SCOC: variants seen among roughly 807,000 people sequenced by gnomAD.
SCOC encodes short coiled coil protein.
A neutral mutation model predicts 9.9 loss-of-function variants in SCOC; 7 were observed. That is an observed-to-expected ratio of 0.71 (90% CI 0.40 to 1.33). The LOEUF (loss-of-function observed/expected upper bound fraction) is 1.33, where lower values mean the gene tolerates loss of function less well. SCOC is among the 40% of genes most tolerant of loss of function. SCOC has a pLI of 0.01. For synonymous variants in SCOC, 19 were observed against 28.2 expected (o/e 0.67, Z 1.03); for missense variants, 66 against 89.7 (o/e 0.74, Z 1.07).
chr4:140,321,033 C>T (rs552344079), intron 1 of SCOC, among the ~76,000 whole-genome samples: 48 of 152,170 alleles, frequency 3.2e-4, no homozygotes, highest in South Asian at 8.3e-4. Flanking sequence ...AGACTCTCTC[C>T]GGAGGATAGT....
chr4:140,323,674 A>T (rs1732564626), intron 1 of SCOC, among the ~76,000 whole-genome samples: 1 of 152,138 alleles, frequency 6.6e-6, no homozygotes. Flanking sequence ...AACTACCACA[A>T]CTCACTTAAG....
intron 2 of SCOC, among the ~76,000 whole-genome samples, chr4:140,368,402 T>C (rs1410338230): frequency 6.6e-6 from 1 of 152,220 alleles, no homozygotes; most frequent in Non-Finnish European, 1.5e-5. Context: ...AAACATGTAA[T>C]TATTTTTAAA....
At chr4:140,283,114 C>T (rs981156007) in intron 1 of SCOC, among the ~76,000 whole-genome samples, 8 of 152,186 alleles carry the variant, frequency 5.3e-5, no homozygotes, top group Middle Eastern at 3.2e-3. Context: ...TCTCTGTAAG[C>T]ATGTCCATCT....
At chr4:140,353,995 G>A (rs1446681991) in intron 2 of SCOC, among the ~76,000 whole-genome samples, 1 of 152,350 alleles carries the variant, frequency 6.6e-6, no homozygotes, top group East Asian at 1.9e-4. Context: ...TTCATTGCTC[G>A]TAGTGTGACG....
chr4:140,341,217 T>C (rs1726501321), upstream of SCOC, among the ~76,000 whole-genome samples: 1 of 152,202 alleles, frequency 6.6e-6, no homozygotes, highest in South Asian at 2.1e-4. Context: ...AAGTTGGTTG[T>C]AAATAATAAA....
chr4:140,310,135 T>A (rs1732107642), intron 1 of SCOC, among the ~76,000 whole-genome samples: 2 of 152,216 alleles, frequency 1.3e-5, no homozygotes, highest in South Asian at 4.1e-4. Context: ...TATTGTAAAT[T>A]CTTATGCTTT....
intron 1 of SCOC, among the ~76,000 whole-genome samples, chr4:140,294,100 G>C (rs1438542935): frequency 6.6e-6 from 1 of 152,160 alleles, no homozygotes; most frequent in Non-Finnish European, 1.5e-5. Context: ...ACACTGGCAG[G>C]TGTGGTAACT....
Position 140,381,549 on chromosome 4 carries a change from G to A in SCOC, c.*445G>A, listed in dbSNP as rs1162159758. 6.6e-6 allele frequency: 1 copy of A among 152,336 alleles called. No homozygotes were observed. The highest frequency in any genetic ancestry group is 1.9e-4 in the East Asian group (1 of 5,176). The allele number at this position is 152,336 out of a possible 1,614,324, so 9.4% of individuals were successfully genotyped here. Reference sequence around the variant, plus strand: ...TCCTTCCTATTTCCCTTCCGCTAAGGAAAAAAATTGGTGTCACATTTGTAA... The same window carrying A: ...TCCTTCCTATTTCCCTTCCGCTAAGAAAAAAAATTGGTGTCACATTTGTAA... On this transcript the variant is annotated 3_prime_UTR_variant, in exon 4 of 4. Coordinates refer to ENST00000608372, the MANE Select transcript of SCOC (RefSeq NM_001153484.2).
At chr4:140,348,542 G>GTATATATATGTGTGTATATATATGTA (rs1553939608) in intron 2 of SCOC, among the ~76,000 whole-genome samples, 1 of 134,462 alleles carries the variant, frequency 7.4e-6, no homozygotes. Flanking sequence ...GTATATGTAT[G>GTATATATATGTGTGTATATATATGTA]TATATATATG....
chr4:140,309,319 C>T (rs1051026005), intron 1 of SCOC, among the ~76,000 whole-genome samples: 3 of 152,206 alleles, frequency 2.0e-5, no homozygotes, highest in African/African-American at 7.2e-5. Context: ...TGGCAAACAT[C>T]CTGCAGAATG....
At chr4:140,356,882 A>G (rs1007213354) in intron 2 of SCOC, among the ~76,000 whole-genome samples, 8 of 152,160 alleles carry the variant, frequency 5.3e-5, no homozygotes, top group Non-Finnish European at 5.9e-5. Context: ...CTTTTTCCCA[A>G]TTTATTAAGT....
At chr4:140,343,742 A>T (rs72716322) in intron 2 of SCOC, 46,347 of 1,398,052 alleles carry the variant, frequency 0.033, 1,015 homozygotes, top group Middle Eastern at 0.095. Flanking sequence ...TCAAACATAC[A>T]TTCAACAACA....
upstream of SCOC, among the ~76,000 whole-genome samples, chr4:140,371,532 C>T (rs1728055148): frequency 6.6e-6 from 1 of 152,162 alleles, no homozygotes; most frequent in Non-Finnish European, 1.5e-5. Flanking sequence ...ATCCCACGAA[C>T]AGTTACTATA....
At chr4:140,352,000 G>A (rs1271291412) in intron 2 of SCOC, among the ~76,000 whole-genome samples, 1 of 152,212 alleles carries the variant, frequency 6.6e-6, no homozygotes, top group African/African-American at 2.4e-5. Context: ...GCTTTGCTGG[G>A]TTACACTGGA....
intron 1 of SCOC, among the ~76,000 whole-genome samples, chr4:140,291,226 T>C (rs1409318146): frequency 2.0e-5 from 3 of 152,198 alleles, no homozygotes; most frequent in Admixed American, 2.0e-4. Context: ...TTGGTAGGTA[T>C]GAAACGTGCT....
chr4:140,347,429 C>T (rs1726786603), intron 2 of SCOC, among the ~76,000 whole-genome samples: 1 of 152,088 alleles, frequency 6.6e-6, no homozygotes, highest in Non-Finnish European at 1.5e-5. Context: ...CGGCATTGAT[C>T]TCTCCTTCCT....
intron 1 of SCOC, among the ~76,000 whole-genome samples, chr4:140,293,712 A>C (rs1731544012): frequency 6.6e-6 from 1 of 152,162 alleles, no homozygotes; most frequent in Admixed American, 6.5e-5. Context: ...GTGTATCCAA[A>C]GGTGCAGCAG....
At chr4:140,355,785 C>A in intron 2 of SCOC, among the ~76,000 whole-genome samples, 1 of 152,144 alleles carries the variant, frequency 6.6e-6, no homozygotes, top group South Asian at 2.1e-4. Flanking sequence ...TACAACCATG[C>A]AAAAGTAATT....
chr4:140,335,861 T>C (rs1163744055), intron 1 of SCOC, among the ~76,000 whole-genome samples: 2 of 152,150 alleles, frequency 1.3e-5, no homozygotes, highest in Non-Finnish European at 2.9e-5. Context: ...CCAATACCGA[T>C]TAGCATGCAC....
Sources: gnomAD v4.1 joint callset for allele counts (sites outside exome capture counted in the v4.1 genomes callset) on GRCh38, gnomAD v4.1.1 for gene constraint, MANE v1.5 for transcripts, NCBI Gene and HGNC (gene_info 2026-07-23, HGNC 2026-07-21) for gene names.